Variants in MYT1L observed in about 807,000 individuals in gnomAD.
MYT1L encodes myelin transcription factor 1-like protein.
Under a neutral mutation model 126.7 loss-of-function variants are expected in MYT1L, and 12 were observed. The observed-to-expected ratio is 0.09, with a 90% CI of 0.06 to 0.15. MYT1L has a LOEUF of 0.15. MYT1L is among the 10% of genes least tolerant of loss of function. MYT1L has a pLI of 1.00. For missense variants in MYT1L, 979 were observed against 1,585.2 expected (o/e 0.62, Z 6.49); for synonymous variants, 541 against 604.2 (o/e 0.90, Z 1.53).
chr2:2,098,301 A>G (rs941998368), intron 3 of MYT1L, among the ~76,000 whole-genome samples: 24 of 152,148 alleles, frequency 1.6e-4, no homozygotes, highest in African/African-American at 5.3e-4. Context: ...TTTCAACAAC[A>G]CCAATAATTT....
intron 3 of MYT1L, among the ~76,000 whole-genome samples, chr2:2,133,898 G>A (rs745562289): frequency 4.6e-5 from 7 of 152,118 alleles, no homozygotes; most frequent in Non-Finnish European, 8.8e-5. Context: ...AGAAAAAAAA[G>A]GACACGGGAA....
intron 14 of MYT1L, 49 bp from the exon 15 acceptor site, chr2:1,892,336 C>T (rs781138432): frequency 4.6e-6 from 7 of 1,527,150 alleles, no homozygotes; most frequent in Admixed American, 4.0e-5. Flanking sequence ...GCAGGGCACA[C>T]GGCAGACAGC....
At chr2:2,291,072 A>G (rs2095592295) in intron 1 of MYT1L, among the ~76,000 whole-genome samples, 1 of 151,556 alleles carries the variant, frequency 6.6e-6, no homozygotes, top group Non-Finnish European at 1.5e-5. Flanking sequence ...AAAAAAAAAA[A>G]TGAAAGTCAG....
chr2:2,090,269 C>G (rs956550184), intron 3 of MYT1L, among the ~76,000 whole-genome samples: 3 of 152,152 alleles, frequency 2.0e-5, no homozygotes, highest in Admixed American at 2.0e-4. Flanking sequence ...AGGCATACCT[C>G]AGAGATACTG....
At chr2:2,231,215 G>A (rs1188217439) in intron 2 of MYT1L, among the ~76,000 whole-genome samples, 1 of 152,154 alleles carries the variant, frequency 6.6e-6, no homozygotes, top group African/African-American at 2.4e-5. Context: ...CATGAGAGAA[G>A]TAAGCCCCAC....
At chr2:1,992,993 C>T (rs190065072) in intron 5 of MYT1L, among the ~76,000 whole-genome samples, 45 of 152,232 alleles carry the variant, frequency 3.0e-4, no homozygotes, top group Middle Eastern at 3.4e-3. Context: ...ACTGACTGAG[C>T]GCAAGAAGAC....
At chr2:2,004,748 AGGCG>A (rs2062984630) in intron 4 of MYT1L, among the ~76,000 whole-genome samples, 1 of 139,512 alleles carries the variant, frequency 7.2e-6, no homozygotes, top group African/African-American at 2.8e-5. Flanking sequence ...TCTTTCCTGC[AGGCG>A]TTCTTTCCTG....
chr2:1,961,648 T>C (rs67640653), intron 8 of MYT1L, among the ~76,000 whole-genome samples: 14,154 of 152,302 alleles, frequency 0.093, 1,188 homozygotes, highest in African/African-American at 0.23. Flanking sequence ...ACTCTTTTAA[T>C]AGCCACTTCA....
At chr2:2,213,913 T>C (rs1051768603) in intron 2 of MYT1L, among the ~76,000 whole-genome samples, 1 of 152,178 alleles carries the variant, frequency 6.6e-6, no homozygotes, top group African/African-American at 2.4e-5. Context: ...GACACCACTG[T>C]TAGAATTATA....
chr2:2,158,489 A>G (rs528769987), intron 3 of MYT1L, among the ~76,000 whole-genome samples: 1 of 152,212 alleles, frequency 6.6e-6, no homozygotes, highest in African/African-American at 2.4e-5. Flanking sequence ...TCTTCTTTGC[A>G]CTTAAGTGAC....
intron 1 of MYT1L, among the ~76,000 whole-genome samples, chr2:2,312,117 A>G (rs572870610): frequency 6.6e-6 from 1 of 152,250 alleles, no homozygotes; most frequent in East Asian, 1.9e-4. Flanking sequence ...GGACTTGTGG[A>G]AAGGAGAACA....
In MYT1L at chr2:1,795,348, C is replaced by T. The variant is rs540056527; in HGVS notation, c.3277-2884G>A. 1.8e-4 allele frequency among the ~76,000 whole-genome samples: 28 copies of T among 152,284 alleles called. 1 individual carries two copies. In the South Asian group the frequency reaches 5.0e-3, roughly 27 times the overall value. On this transcript the variant is annotated intron_variant, in intron 23 of 24. Transcript: ENST00000647738. ...AGAGTAAAGGGGAGCCCTCTCAGAA[C>T]GTCTTGGAGCTGGCCAGCACGCTGC...
At chr2:1,862,752 C>A (rs1277059735) in intron 18 of MYT1L, among the ~76,000 whole-genome samples, 1 of 152,170 alleles carries the variant, frequency 6.6e-6, no homozygotes, top group Non-Finnish European at 1.5e-5. Flanking sequence ...GCACCTGCTG[C>A]AAACGCTGCA....
intron 2 of MYT1L, among the ~76,000 whole-genome samples, chr2:2,233,649 G>A (rs2094213510): frequency 6.6e-6 from 1 of 152,182 alleles, no homozygotes; most frequent in Non-Finnish European, 1.5e-5. Flanking sequence ...CTGTGAGTGT[G>A]GTTGTAACAA....
intron 2 of MYT1L, among the ~76,000 whole-genome samples, chr2:2,201,232 A>G (rs970736146): frequency 6.7e-6 from 1 of 148,700 alleles, no homozygotes; most frequent in Admixed American, 6.6e-5. Flanking sequence ...TCCAAAGTCA[A>G]TTACTGGAGA....
rs1034057038 is a variant in MYT1L, at chr2:1,848,349, G to C, written c.2774+3292C>G. The stretch of plus-strand genomic sequence containing the variant: ...ATTCCAGACACCACGGAAGCGCGAG[G>C]CGTTTGTCCTGGGAGCAGGAGGGAG... On this transcript the variant is annotated intron_variant, in intron 19 of 24. Transcript: ENST00000647738. This position sits in a 1 kb window ranked among gnomAD's most constrained non-coding sequence, Gnocchi z 4.8. 1.3e-5 allele frequency among the ~76,000 whole-genome samples: 2 copies of C among 150,124 alleles called. No homozygotes were observed. The highest frequency in any genetic ancestry group is 5.0e-5 in the African/African-American group (2 of 40,366).
At chr2:2,089,480 T>C (rs764352771) in intron 3 of MYT1L, among the ~76,000 whole-genome samples, 1 of 152,118 alleles carries the variant, frequency 6.6e-6, no homozygotes, top group Non-Finnish European at 1.5e-5. Flanking sequence ...AACAGAAATC[T>C]CGATAGTGTT....
intron 8 of MYT1L, among the ~76,000 whole-genome samples, chr2:1,963,555 T>G (rs1272176522): frequency 6.6e-6 from 1 of 152,242 alleles, no homozygotes; most frequent in Non-Finnish European, 1.5e-5. Flanking sequence ...AAGGCTGTTT[T>G]GTCCACATTG....
intron 8 of MYT1L, among the ~76,000 whole-genome samples, chr2:1,948,731 G>T (rs147601960): frequency 3.1e-4 from 45 of 145,752 alleles, no homozygotes; most frequent in African/African-American, 1.1e-3. Context: ...GTGCCTCAGA[G>T]ATGCTGTGCA....
Sources: gnomAD v4.1 joint callset for allele counts (sites outside exome capture counted in the v4.1 genomes callset) on GRCh38, gnomAD v4.1.1 for gene constraint, Gnocchi (gnomAD v3.1) non-coding constraint, MANE v1.5 for transcripts, NCBI Gene and HGNC (gene_info 2026-07-23, HGNC 2026-07-21) for gene names.